Variants in HFM1 observed in about 807,000 individuals in gnomAD.
HFM1 encodes the protein probable ATP-dependent DNA helicase HFM1.
A neutral mutation model predicts 192.1 loss-of-function variants in HFM1; 169 were observed. The ratio of observed to expected loss-of-function variants is 0.88; its 90% CI spans 0.78 to 1.00. The LOEUF is 1.00. HFM1 is among the 50% of genes least tolerant of loss of function. The probability of loss-of-function intolerance (pLI) is 0.00; values close to 1 mark genes in which losing one functional copy is unlikely to be tolerated. For synonymous variants in HFM1, 525 were observed against 537.8 expected (o/e 0.98, Z 0.33); for missense variants, 1,661 against 1,668.0 (o/e 1.00, Z 0.07).
In HFM1 at chr1:91,394,295, T is replaced by C; in HGVS notation, c.292A>G (p.Lys98Glu). ...AAATTTAGATCATCCTGTTCATATT[T>C]ATCAGAAGGAAAGGCAAACTGGAAT... ...QKFQFAFPSD[K>E]YEQDDLNLEG... The change falls in exon 4 of 39, where the codon AAA becomes GAA. Residue 98 changes from lysine (K) to glutamate (E), a missense_variant. Transcript: ENST00000370425. 6.3e-7 allele frequency: 1 copy of C among 1,591,958 alleles called. No homozygotes were observed. Among genetic ancestry groups the C allele is most frequent in the Non-Finnish European group, 8.6e-7 (1 of 1,159,986 alleles).
intron 20 of HFM1, among the ~76,000 whole-genome samples, chr1:91,330,478 A>G (rs1653658313): frequency 6.6e-6 from 1 of 152,154 alleles, no homozygotes; most frequent in African/African-American, 2.4e-5. Flanking sequence ...CTGAACAGAA[A>G]AATAATAAGT....
At chr1:91,353,937 A>C (rs891000426) in intron 13 of HFM1, among the ~76,000 whole-genome samples, 2 of 150,392 alleles carry the variant, frequency 1.3e-5, no homozygotes, top group Non-Finnish European at 3.0e-5. Context: ...AAAAAAAAAA[A>C]CCAACCAAAA....
chr1:91,294,375 C>A (rs77388300), intron 30 of HFM1, among the ~76,000 whole-genome samples: 1 of 152,122 alleles, frequency 6.6e-6, no homozygotes, highest in Admixed American at 6.5e-5. Flanking sequence ...TGGACTCATA[C>A]AGTATTACCT....
intron 27 of HFM1, 38 bp from the exon 28 acceptor site, chr1:91,316,010 A>G (rs753036638): frequency 1.3e-6 from 2 of 1,521,388 alleles, no homozygotes; most frequent in Non-Finnish European, 1.8e-6. Flanking sequence ...GTTAAAAATA[A>G]CCTTACTTCT....
chr1:91,298,394 T>C (rs775874409), intron 30 of HFM1, among the ~76,000 whole-genome samples: 7 of 152,102 alleles, frequency 4.6e-5, no homozygotes, highest in Non-Finnish European at 8.8e-5. Context: ...ACTTCCCCAA[T>C]CTAGCAAGGC....
At chr1:91,399,577 A>G (rs918960340) in intron 2 of HFM1, among the ~76,000 whole-genome samples, 3 of 152,128 alleles carry the variant, frequency 2.0e-5, no homozygotes, top group African/African-American at 7.2e-5. Context: ...TCCTTCATGA[A>G]TTGTCTATTC....
upstream of HFM1, among the ~76,000 whole-genome samples, chr1:91,406,981 T>G (rs1664836740): frequency 6.6e-6 from 1 of 152,228 alleles, no homozygotes; most frequent in South Asian, 2.1e-4. Context: ...GAGCTCTCTC[T>G]GCACCCAGCT....
chr1:91,356,204 C>T (rs1050153127), intron 13 of HFM1, among the ~76,000 whole-genome samples: 1 of 151,320 alleles, frequency 6.6e-6, no homozygotes, highest in Non-Finnish European at 1.5e-5. Context: ...AGACAACACA[C>T]CAAAACCTAT....
chr1:91,397,725 A>G (rs536355625), intron 2 of HFM1, among the ~76,000 whole-genome samples: 24 of 152,236 alleles, frequency 1.6e-4, no homozygotes, highest in Non-Finnish European at 2.1e-4. Context: ...AAAATGACTC[A>G]TAAGACTCAG....
chr1:91,334,584 G>T (rs1654303829), intron 20 of HFM1, among the ~76,000 whole-genome samples: 1 of 152,080 alleles, frequency 6.6e-6, no homozygotes, highest in African/African-American at 2.4e-5. Context: ...TTGTGGGTAG[G>T]AGTATGGGAG....
chr1:91,332,682 A>G (rs1337854281), intron 20 of HFM1, among the ~76,000 whole-genome samples: 1 of 152,172 alleles, frequency 6.6e-6, no homozygotes, highest in Non-Finnish European at 1.5e-5. Context: ...ATGGGAGAAA[A>G]TATTTGCAAA....
chr1:91,316,016 C>T, intron 27 of HFM1, 44 bp from the exon 28 acceptor site: 1 of 1,500,970 alleles, frequency 6.7e-7, no homozygotes, highest in South Asian at 1.2e-5. Context: ...AATAACCTTA[C>T]TTCTCATACT....
chr1:91,292,671 A>G lies in HFM1; in HGVS notation c.3392-15609T>C, dbSNP rs544183323. On this transcript the variant is annotated intron_variant, in intron 30 of 38. Transcript: ENST00000370425. The stretch of plus-strand genomic sequence containing the variant: ...CAATGCCATCCCCATCAAGCTACCA[A>G]TGACTTTCTTCACAGAAATGGAAAA... Among the ~76,000 whole-genome samples, 321 of 152,196 alleles carry G rather than the reference A, an allele frequency of 2.1e-3. 1 individual carries two copies. The highest frequency in any genetic ancestry group is 7.3e-3 in the African/African-American group (303 of 41,524).
chr1:91,363,089 G>C (rs1174994349), intron 13 of HFM1, among the ~76,000 whole-genome samples: 6 of 152,100 alleles, frequency 3.9e-5, no homozygotes. Context: ...AGAAAATCTA[G>C]GCAATACCCT....
At chr1:91,270,286 A>G (rs1015870469) in intron 34 of HFM1, among the ~76,000 whole-genome samples, 3 of 152,170 alleles carry the variant, frequency 2.0e-5, no homozygotes, top group African/African-American at 7.2e-5. Context: ...AGCTATTTAG[A>G]AGGACACTTT....
chr1:91,313,627 G>T, intron 29 of HFM1, 132 bp from the exon 30 acceptor site: 1 of 493,676 alleles, frequency 2.0e-6, no homozygotes, highest in Non-Finnish European at 3.4e-6. Flanking sequence ...GTTAAAATAT[G>T]TTGAAAGGTT....
At chr1:91,294,225 C>T (rs1669133520) in intron 30 of HFM1, among the ~76,000 whole-genome samples, 1 of 150,496 alleles carries the variant, frequency 6.6e-6, no homozygotes, top group Non-Finnish European at 1.5e-5. Flanking sequence ...AAAAAATAAT[C>T]AAAATAAAAT....
chr1:91,328,949 C>G (rs1653365999), intron 20 of HFM1: 1 of 1,612,192 alleles, frequency 6.2e-7, no homozygotes, highest in African/African-American at 1.3e-5. Context: ...CAGCCCTGTG[C>G]TAATGCAACA....
chr1:91,293,188 C>A (rs1182933147), intron 30 of HFM1, among the ~76,000 whole-genome samples: 5 of 152,084 alleles, frequency 3.3e-5, no homozygotes, highest in South Asian at 2.1e-4. Context: ...GCAACAAAAG[C>A]CAAAATTGAC....
Sources: gnomAD v4.1 joint callset for allele counts (sites outside exome capture counted in the v4.1 genomes callset) on GRCh38, gnomAD v4.1.1 for gene constraint, MANE v1.5 for transcripts, NCBI Gene and HGNC (gene_info 2026-07-23, HGNC 2026-07-21) for gene names.